NRXN3: variants seen among roughly 807,000 people sequenced by gnomAD.
The protein encoded by NRXN3 is neurexin III.
A neutral mutation model predicts 137.6 loss-of-function variants in NRXN3; 32 were observed. That is an observed-to-expected ratio of 0.23 (90% CI 0.18 to 0.31). NRXN3 has a LOEUF of 0.31. NRXN3 is among the 10% of genes least tolerant of loss of function. The pLI is 1.00. For synonymous variants in NRXN3, 798 were observed against 784.5 expected (o/e 1.02, Z -0.29); for missense variants, 1,574 against 2,062.5 (o/e 0.76, Z 4.59).
At chr14:79,325,226 T>C (rs1486092919) in intron 15 of NRXN3, among the ~76,000 whole-genome samples, 1 of 152,204 alleles carries the variant, frequency 6.6e-6, no homozygotes, top group Non-Finnish European at 1.5e-5. Context: ...TGGAGAGTTG[T>C]GGTTTTCTGA....
intron 15 of NRXN3, among the ~76,000 whole-genome samples, chr14:79,082,376 G>A (rs1175448634): frequency 7.6e-6 from 1 of 130,812 alleles, no homozygotes; most frequent in African/African-American, 3.0e-5. Context: ...CCAAACTCCT[G>A]TGTATGCAAA....
intron 19 of NRXN3, among the ~76,000 whole-genome samples, chr14:79,745,556 T>C (rs1411217671): frequency 2.6e-5 from 4 of 152,156 alleles, no homozygotes; most frequent in Non-Finnish European, 4.4e-5. Context: ...CCACGTCTCC[T>C]TCTCAATCCA....
chr14:79,811,774 G>T (rs2099234731), intron 20 of NRXN3, among the ~76,000 whole-genome samples: 1 of 151,196 alleles, frequency 6.6e-6, no homozygotes. Flanking sequence ...AGTAGAGACG[G>T]GTTTTCACCA....
In NRXN3 at chr14:79,107,752, A is replaced by G. The variant is rs149146621; in HGVS notation, c.3262+119611A>G. Among the ~76,000 whole-genome samples the G allele has an allele frequency of 2.0e-3, 305 of 152,248 alleles. 1 individual carries two copies. Among genetic ancestry groups the G allele is most frequent in the African/African-American group, 7.0e-3 (290 of 41,566 alleles). On this transcript the variant is annotated intron_variant, in intron 15 of 20. Coordinates refer to ENST00000335750, the MANE Select transcript of NRXN3 (RefSeq NM_001330195.2). Reference sequence around the variant, plus strand: ...ATTGAGGGCATCTACTTTCTTTTTGACTTGAAAGGCTGAGTAGATGATGGT... The same window carrying G: ...ATTGAGGGCATCTACTTTCTTTTTGGCTTGAAAGGCTGAGTAGATGATGGT...
rs763447453 is a variant in NRXN3 at position 78,957,372 on chromosome 14, CTA to C, written c.2395+13_2395+14del. 2 of 1,606,520 alleles carry C rather than the reference CTA, an allele frequency of 1.2e-6. No individual in the cohort carries two copies. Among genetic ancestry groups the C allele is most frequent in the African/African-American group, 1.4e-5 (1 of 70,046 alleles). ...ATGATGTGGCTGAGGGTGAGTATGACTATGGTGAAATTCGTCTGTCTTTTCTC... is the reference window on the plus strand; with the variant it reads ...ATGATGTGGCTGAGGGTGAGTATGACTGGTGAAATTCGTCTGTCTTTTCTC... On this transcript the variant is annotated intron_variant, in intron 11 of 20. Coordinates refer to ENST00000335750, the MANE Select transcript of NRXN3 (RefSeq NM_001330195.2).
At chr14:79,415,101 T>C (rs2095477377) in intron 15 of NRXN3, among the ~76,000 whole-genome samples, 1 of 152,138 alleles carries the variant, frequency 6.6e-6, no homozygotes, top group Non-Finnish European at 1.5e-5. Flanking sequence ...TGCATACATA[T>C]CTCTCTCACA....
At chr14:79,294,186 T>C (rs1409319211) in intron 15 of NRXN3, among the ~76,000 whole-genome samples, 1 of 152,240 alleles carries the variant, frequency 6.6e-6, no homozygotes, top group Non-Finnish European at 1.5e-5. Flanking sequence ...TTTATCTTTA[T>C]TTCCCCTAGA....
chr14:79,321,932 T>G (rs2090102920), intron 15 of NRXN3, among the ~76,000 whole-genome samples: 1 of 151,174 alleles, frequency 6.6e-6, no homozygotes, highest in Non-Finnish European at 1.5e-5. Flanking sequence ...GGGTCTTTTT[T>G]AGTGAATTAA....
chr14:78,935,263 G>A (rs908637576), intron 10 of NRXN3, among the ~76,000 whole-genome samples: 5 of 152,102 alleles, frequency 3.3e-5, no homozygotes, highest in African/African-American at 1.2e-4. Flanking sequence ...TGACTCAAAG[G>A]GCTGTGGATA....
chr14:79,847,218 GC>G (rs1305050224), intron 20 of NRXN3, among the ~76,000 whole-genome samples: 1 of 151,966 alleles, frequency 6.6e-6, no homozygotes, highest in African/African-American at 2.4e-5. Flanking sequence ...AACCCAAATA[GC>G]CATCATTACT....
At position 79,044,825 on chromosome 14, in the gene NRXN3, GTT is replaced by G. The variant is rs5809914; in HGVS notation, c.3262+56699_3262+56700del. The stretch of plus-strand genomic sequence containing the variant: ...CGGGGCTTTCTGATTAGCACCTCTA[GTT>G]TTTTTTTTTTTTTTCTTCCCACTCC... On this transcript the variant is annotated intron_variant, in intron 15 of 20. Coordinates refer to ENST00000335750, the MANE Select transcript of NRXN3 (RefSeq NM_001330195.2). Among the ~76,000 whole-genome samples, 241 of 139,634 alleles carry G rather than the reference GTT, an allele frequency of 1.7e-3. 1 individual carries two copies. The highest frequency in any genetic ancestry group is 4.0e-3 in the East Asian group (19 of 4,762). The allele number at this position is 139,634 out of a possible 152,430, so 91.6% of individuals were successfully genotyped here.
In NRXN3 at chr14:78,283,654, G is replaced by A. The variant is rs115551130; in HGVS notation, c.727+4992G>A. 7.1e-3 allele frequency among the ~76,000 whole-genome samples: 1,084 copies of A among 152,140 alleles called. 11 individuals carry two copies. Among genetic ancestry groups the A allele is most frequent in the African/African-American group, 0.025 (1,025 of 41,502 alleles). The stretch of plus-strand genomic sequence containing the variant: ...CTCTCGAGTAGCGAGGATTACAGGT[G>A]TGTGCCACCACGCCCAGCAAATTTT... On this transcript the variant is annotated intron_variant, in intron 3 of 20. Transcript: ENST00000335750.
At chr14:78,416,096 C>G (rs1420401804) in intron 4 of NRXN3, among the ~76,000 whole-genome samples, 1 of 152,124 alleles carries the variant, frequency 6.6e-6, no homozygotes, top group Non-Finnish European at 1.5e-5. Context: ...AAATTAAACT[C>G]AGAGTATTGT....
chr14:79,038,929 C>A (rs1475068339), intron 15 of NRXN3, among the ~76,000 whole-genome samples: 1 of 151,996 alleles, frequency 6.6e-6, no homozygotes, highest in African/African-American at 2.4e-5. Flanking sequence ...GGCTAAGAGC[C>A]CTGGAATGCC....
At chr14:79,040,900 A>C (rs947562449) in intron 15 of NRXN3, among the ~76,000 whole-genome samples, 1 of 151,944 alleles carries the variant, frequency 6.6e-6, no homozygotes, top group Non-Finnish European at 1.5e-5. Flanking sequence ...TGGGCAAGTC[A>C]CCTGTTTAGC....
At chr14:78,358,197 GT>G (rs1167078175) in intron 4 of NRXN3, among the ~76,000 whole-genome samples, 1 of 152,170 alleles carries the variant, frequency 6.6e-6, no homozygotes, top group Non-Finnish European at 1.5e-5. Context: ...TGCTGTAGGG[GT>G]GGTGGTAATG....
intron 15 of NRXN3, among the ~76,000 whole-genome samples, chr14:79,144,436 T>A (rs1186049049): frequency 6.6e-6 from 1 of 152,228 alleles, no homozygotes; most frequent in African/African-American, 2.4e-5. Flanking sequence ...TTTGTAGTAC[T>A]TCTAGAATGT....
At chr14:79,388,827 C>T (rs1348536347) in intron 15 of NRXN3, among the ~76,000 whole-genome samples, 1 of 152,112 alleles carries the variant, frequency 6.6e-6, no homozygotes, top group African/African-American at 2.4e-5. Context: ...GTAGGAGGGA[C>T]CCAGTGGGAG....
chr14:78,501,860 C>A (rs994100880), intron 4 of NRXN3, among the ~76,000 whole-genome samples: 4 of 152,070 alleles, frequency 2.6e-5, no homozygotes, highest in East Asian at 3.9e-4. Flanking sequence ...TTTTACAAAG[C>A]GTTATCACAT....
Sources: gnomAD v4.1 joint callset for allele counts (sites outside exome capture counted in the v4.1 genomes callset) on GRCh38, gnomAD v4.1.1 for gene constraint, MANE v1.5 for transcripts, NCBI Gene and HGNC (gene_info 2026-07-23, HGNC 2026-07-21) for gene names.